PTPRQ: variants seen among roughly 807,000 people sequenced by gnomAD.
PTPRQ encodes phosphatidylinositol phosphatase PTPRQ.
Under a neutral mutation model 246.0 loss-of-function variants are expected in PTPRQ, and 199 were observed. The ratio of observed to expected loss-of-function variants is 0.81; its 90% CI spans 0.72 to 0.91. The LOEUF is 0.91. PTPRQ is among the 40% of genes least tolerant of loss of function. PTPRQ has a pLI of 0.00. For missense variants in PTPRQ, 2,624 were observed against 2,528.4 expected (o/e 1.04, Z -0.81); for synonymous variants, 869 against 853.2 (o/e 1.02, Z -0.32).
At position 80,536,076 on chromosome 12, in the gene PTPRQ, C is replaced by T. The variant is rs150727962; in HGVS notation, c.2985+1039C>T. 1.3e-3 allele frequency among the ~76,000 whole-genome samples: 197 copies of T among 152,314 alleles called. 4 individuals carry two copies. The highest frequency in any genetic ancestry group is 3.4e-3 in the African/African-American group (140 of 41,566). On this transcript the variant is annotated intron_variant, in intron 19 of 44. Coordinates refer to ENST00000644991, the MANE Select transcript of PTPRQ (RefSeq NM_001145026.2). ...GAGCTGAGATCCCGCCACTGCACTC[C>T]AGCCTGGGCGAGAGAGCGAGACTCC...
In PTPRQ at chr12:80,534,906, C is replaced by T. The variant is rs1452003291; in HGVS notation, c.2854C>T (p.Pro952Ser). ...QTPEGAPSDPPKDVYYANLSS... is the reference protein window; with the variant it reads ...QTPEGAPSDPSKDVYYANLSS... The stretch of plus-strand genomic sequence containing the variant: ...TTGTTTTATAGCACCAAGCGATCCT[C>T]CCAAAGATGTTTATTATGCAAACCT... The change falls in exon 19 of 45, where the codon CCC becomes TCC. Residue 952 changes from proline (P) to serine (S), a missense_variant. Coordinates refer to ENST00000644991, the MANE Select transcript of PTPRQ (RefSeq NM_001145026.2). The T allele has an allele frequency of 6.5e-7, 1 of 1,549,534 alleles. No individual in the cohort carries two copies. Among genetic ancestry groups the T allele is most frequent in the East Asian group, 2.5e-5 (1 of 40,712 alleles).
intron 9 of PTPRQ, among the ~76,000 whole-genome samples, chr12:80,485,333 T>G (rs1052461442): frequency 2.1e-4 from 32 of 152,174 alleles, no homozygotes; most frequent in African/African-American, 7.7e-4. Context: ...AGATACTGGC[T>G]GCTCCCCGGG....
chr12:80,579,768 A>G (rs1374843466), intron 25 of PTPRQ, among the ~76,000 whole-genome samples: 2 of 152,148 alleles, frequency 1.3e-5, no homozygotes, highest in Admixed American at 6.5e-5. Context: ...TACTTTGTGT[A>G]TGTTTAAATT....
At chr12:80,619,679 T>A in intron 31 of PTPRQ, 137 bp downstream of exon 31, 1 of 549,862 alleles carries the variant, frequency 1.8e-6, no homozygotes, top group Non-Finnish European at 2.7e-6. Context: ...AATATTATTA[T>A]TAATGATACC....
intron 25 of PTPRQ, among the ~76,000 whole-genome samples, chr12:80,551,609 A>G (rs140417238): frequency 6.6e-6 from 1 of 152,184 alleles, no homozygotes; most frequent in Non-Finnish European, 1.5e-5. Flanking sequence ...CACAGAAGTA[A>G]TAATGAAAGG....
chr12:80,554,586 G>C (rs1308079938), intron 25 of PTPRQ, among the ~76,000 whole-genome samples: 1 of 152,142 alleles, frequency 6.6e-6, no homozygotes, highest in Non-Finnish European at 1.5e-5. Context: ...CTGGTTTTTA[G>C]GGGTGTTCTT....
intron 28 of PTPRQ, among the ~76,000 whole-genome samples, chr12:80,613,154 A>G (rs1898617281): frequency 6.7e-6 from 1 of 149,460 alleles, no homozygotes; most frequent in African/African-American, 2.5e-5. Context: ...TATTGTACCA[A>G]TATCAGTTTC....
chr12:80,591,734 C>T (rs1438612846), intron 26 of PTPRQ, among the ~76,000 whole-genome samples: 1 of 152,080 alleles, frequency 6.6e-6, no homozygotes, highest in South Asian at 2.1e-4. Context: ...AAACCAAATA[C>T]ATCAGTAGCC....
chr12:80,497,866 T>C (rs952301628), intron 14 of PTPRQ, among the ~76,000 whole-genome samples: 1 of 152,078 alleles, frequency 6.6e-6, no homozygotes, highest in African/African-American at 2.4e-5. Flanking sequence ...TGGCCAAATA[T>C]CAGCAATTTC....
chr12:80,622,155 A>G, intron 33 of PTPRQ, 21 bp downstream of exon 33: 1 of 1,374,202 alleles, frequency 7.3e-7, no homozygotes, highest in South Asian at 1.7e-5. Flanking sequence ...TTTGTAATTC[A>G]TTTATAATCT....
intron 27 of PTPRQ, among the ~76,000 whole-genome samples, chr12:80,609,288 G>T (rs1041188557): frequency 6.7e-6 from 1 of 150,020 alleles, no homozygotes; most frequent in Non-Finnish European, 1.5e-5. Context: ...TGTGTGTTTC[G>T]CCATATTATC....
At chr12:80,560,607 TA>T (rs201872837) in intron 25 of PTPRQ, among the ~76,000 whole-genome samples, 2,175 of 152,084 alleles carry the variant, frequency 0.014, 27 homozygotes, top group South Asian at 0.034. Flanking sequence ...TCCCCAAAAT[TA>T]AAAAAAATTT....
intron 25 of PTPRQ, among the ~76,000 whole-genome samples, chr12:80,552,694 T>TATATATATATATATA (rs1896523151): frequency 3.2e-5 from 4 of 123,852 alleles, no homozygotes; most frequent in East Asian, 2.3e-4. Flanking sequence ...TATATATATA[T>TATATATATATATATA]TTGGAAATTT....
chr12:80,607,002 T>C (rs1898348986), intron 27 of PTPRQ, among the ~76,000 whole-genome samples: 1 of 151,046 alleles, frequency 6.6e-6, no homozygotes, highest in Non-Finnish European at 1.5e-5. Context: ...AGTGATTTTG[T>C]AATCTCATTC....
At chr12:80,563,986 G>A (rs1896906695) in intron 25 of PTPRQ, among the ~76,000 whole-genome samples, 1 of 151,926 alleles carries the variant, frequency 6.6e-6, no homozygotes, top group Non-Finnish European at 1.5e-5. Context: ...TAGACTAGCA[G>A]TTATTGTCTG....
intron 14 of PTPRQ, among the ~76,000 whole-genome samples, chr12:80,503,566 C>A (rs1004961353): frequency 6.6e-6 from 1 of 151,534 alleles, no homozygotes; most frequent in Non-Finnish European, 1.5e-5. Flanking sequence ...ATTTAGAATA[C>A]TAATAAAAAG....
intron 25 of PTPRQ, among the ~76,000 whole-genome samples, chr12:80,552,990 G>A (rs544154491): frequency 4.0e-5 from 6 of 151,702 alleles, no homozygotes; most frequent in African/African-American, 9.7e-5. Flanking sequence ...CATTTCCACC[G>A]CAAACTCTTT....
chr12:80,614,733 G>A (rs538454753), intron 29 of PTPRQ, among the ~76,000 whole-genome samples: 16 of 150,848 alleles, frequency 1.1e-4, no homozygotes, highest in South Asian at 4.2e-4. Flanking sequence ...AAATACTGGC[G>A]TCTGTGCCAG....
chr12:80,522,904 T>G (rs1490886202), intron 17 of PTPRQ, among the ~76,000 whole-genome samples: 1 of 152,206 alleles, frequency 6.6e-6, no homozygotes, highest in African/African-American at 2.4e-5. Context: ...GATTCTCTCT[T>G]TTTCTATCAA....
Sources: allele counts gnomAD v4.1 joint callset (sites outside exome capture counted in the v4.1 genomes callset), GRCh38; gene constraint gnomAD v4.1.1; transcripts MANE v1.5; gene names NCBI Gene and HGNC (gene_info 2026-07-23, HGNC 2026-07-21).